The following TENM1 variants were observed in gnomAD, a reference collection of about 807,000 sequenced individuals.
The protein encoded by TENM1 is teneurin transmembrane protein 1.
Under a neutral mutation model 174.8 loss-of-function variants are expected in TENM1, and 35 were observed. That is an observed-to-expected ratio of 0.20 (90% CI 0.15 to 0.27). The LOEUF (loss-of-function observed/expected upper bound fraction) is 0.27. Among genes scored for constraint, TENM1 ranks in the 10% least tolerant of loss-of-function variants. The pLI is 1.00. For missense variants in TENM1, 1,633 were observed against 2,130.1 expected (o/e 0.77, Z 4.59); for synonymous variants, 781 against 798.7 (o/e 0.98, Z 0.37).
chrX:125,054,064 TACC>T, the TENM1 span, among the ~76,000 whole-genome samples: 1 of 112,182 alleles, frequency 8.9e-6, no homozygotes, highest in Non-Finnish European at 1.9e-5. Flanking sequence ...TCCATCGTTC[TACC>T]ATGAGGTAAG....
At chrX:125,100,631 G>T in the TENM1 span, among the ~76,000 whole-genome samples, 2 of 111,848 alleles carry the variant, frequency 1.8e-5, no homozygotes, top group Non-Finnish European at 3.8e-5. Flanking sequence ...ACATGTTCTG[G>T]TCACTATTCT....
intron 3 of TENM1, among the ~76,000 whole-genome samples, chrX:124,744,290 T>G (rs2053867140): frequency 8.9e-6 from 1 of 111,921 alleles, no homozygotes; most frequent in Non-Finnish European, 1.9e-5. Flanking sequence ...TGTAGAGTAG[T>G]TTCGTAATGT....
At chrX:124,757,754 TA>T (rs963943515) in intron 3 of TENM1, among the ~76,000 whole-genome samples, 1 of 112,495 alleles carries the variant, frequency 8.9e-6, no homozygotes, top group African/African-American at 3.2e-5. Flanking sequence ...GCTGTCTTGT[TA>T]AAAAATGTGA....
At chrX:124,928,401 T>C (rs527304355) in intron 1 of TENM1, among the ~76,000 whole-genome samples, 48 of 112,057 alleles carry the variant, frequency 4.3e-4, no homozygotes, top group Middle Eastern at 9.2e-3. Context: ...GATGGAAAAA[T>C]TTGTGAGCTC....
At chrX:124,526,610 G>A (rs986984098) in intron 16 of TENM1, among the ~76,000 whole-genome samples, 3 of 111,818 alleles carry the variant, frequency 2.7e-5, no homozygotes, top group Non-Finnish European at 3.8e-5. Flanking sequence ...CCATTTGCAC[G>A]GGCCATTAAT....
intron 3 of TENM1, among the ~76,000 whole-genome samples, chrX:124,756,132 G>C (rs1167184590): frequency 9.6e-6 from 1 of 104,572 alleles, no homozygotes; most frequent in African/African-American, 3.8e-5. Context: ...ACACCAATCA[G>C]ACGTAGATTT....
chrX:124,883,863 C>T (rs970596926), intron 3 of TENM1, among the ~76,000 whole-genome samples: 2 of 111,341 alleles, frequency 1.8e-5, no homozygotes, highest in African/African-American at 6.6e-5. Context: ...AATCCTCACT[C>T]TCCTGGACAA....
intron 1 of TENM1, among the ~76,000 whole-genome samples, chrX:124,930,965 G>A (rs894171170): frequency 9.0e-6 from 1 of 111,673 alleles, no homozygotes; most frequent in Non-Finnish European, 1.9e-5. Flanking sequence ...AGAGTTATGA[G>A]AAGTGCATGC....
At chrX:124,733,770 A>G (rs1428287068) in intron 4 of TENM1, among the ~76,000 whole-genome samples, 1 of 112,476 alleles carries the variant, frequency 8.9e-6, no homozygotes, top group East Asian at 2.8e-4. Flanking sequence ...TCTGCGTCTT[A>G]AGAAACTGAG....
intron 11 of TENM1, among the ~76,000 whole-genome samples, chrX:124,567,610 C>G (rs1445872509): frequency 9.0e-6 from 1 of 111,577 alleles, no homozygotes; most frequent in Non-Finnish European, 1.9e-5. Context: ...GAATGGAAAG[C>G]TGTGCAGGGA....
the TENM1 span, among the ~76,000 whole-genome samples, chrX:125,073,475 C>A: frequency 4.5e-5 from 5 of 111,324 alleles, no homozygotes; most frequent in Admixed American, 9.6e-5. Context: ...AAAATTTACA[C>A]ATCAGAAAGG....
At chrX:125,115,422 T>C in the TENM1 span, among the ~76,000 whole-genome samples, 1 of 111,244 alleles carries the variant, frequency 9.0e-6, no homozygotes, top group Non-Finnish European at 1.9e-5. Context: ...TGAAGGGTAT[T>C]CAAATACGAA....
the TENM1 span, among the ~76,000 whole-genome samples, chrX:125,139,858 GGAGAGA>G: frequency 0.041 from 3,671 of 89,762 alleles, 208 homozygotes; most frequent in African/African-American, 0.14. Context: ...ACACACACAC[GGAGAGA>G]GAGAGAGAGA....
chrX:125,124,731 G>A, the TENM1 span, among the ~76,000 whole-genome samples: 4 of 112,405 alleles, frequency 3.6e-5, no homozygotes, highest in Non-Finnish European at 7.5e-5. Flanking sequence ...CTTAAAGTGT[G>A]TAAGATGTTA....
chrX:124,396,146 T>C (rs946521854), intron 27 of TENM1, among the ~76,000 whole-genome samples: 6 of 110,948 alleles, frequency 5.4e-5, no homozygotes, highest in Non-Finnish European at 1.1e-4. Context: ...AAACACTAGT[T>C]TCAAAGTCAG....
intron 18 of TENM1, among the ~76,000 whole-genome samples, chrX:124,504,333 C>T (rs191949063): frequency 7.1e-5 from 8 of 112,392 alleles, no homozygotes; most frequent in African/African-American, 2.6e-4. Flanking sequence ...ACCAATGGGA[C>T]ATCACCCAAC....
intron 1 of TENM1, among the ~76,000 whole-genome samples, chrX:124,923,626 G>A (rs965929266): frequency 1.4e-4 from 16 of 112,055 alleles, no homozygotes; most frequent in Non-Finnish European, 2.6e-4. Context: ...TTAATAATCC[G>A]TTGACATTAA....
At chrX:124,709,454 C>T (rs1019018260) in intron 4 of TENM1, among the ~76,000 whole-genome samples, 6 of 109,658 alleles carry the variant, frequency 5.5e-5, no homozygotes, top group African/African-American at 1.3e-4. Context: ...AACTGAGCCA[C>T]ACTATTACAT....
chrX:124,770,979 G>A (rs150807136), intron 3 of TENM1, among the ~76,000 whole-genome samples: 45 of 111,884 alleles, frequency 4.0e-4, no homozygotes, highest in African/African-American at 1.3e-3. Context: ...CCAATACACC[G>A]TGCACAGCAC....
Sources: allele counts gnomAD v4.1 joint callset (sites outside exome capture counted in the v4.1 genomes callset), GRCh38; gene constraint gnomAD v4.1.1; transcripts MANE v1.5; gene names NCBI Gene and HGNC (gene_info 2026-07-23, HGNC 2026-07-21).